Variants in BBS9 observed in about 807,000 individuals in gnomAD.
BBS9 encodes the protein protein PTHB1.
In BBS9, 89 loss-of-function variants were observed where a neutral mutation model predicts 117.7. That is an observed-to-expected ratio of 0.76 (90% confidence interval 0.64 to 0.90). BBS9 has a LOEUF of 0.90. BBS9 is among the 40% of genes least tolerant of loss of function. BBS9 has a pLI of 0.00. For synonymous variants in BBS9, 379 were observed against 370.9 expected, an observed-to-expected ratio of 1.02 and a Z score of -0.25; for missense variants, 982 against 1,042.2, an observed-to-expected ratio of 0.94 and a Z score of 0.80.
intron 21 of BBS9, among the ~76,000 whole-genome samples, chr7:33,629,920 A>C (rs1209683974): frequency 6.6e-6 from 1 of 152,202 alleles, no homozygotes; most frequent in African/African-American, 2.4e-5. Flanking sequence ...TTGCTGTGTA[A>C]ATATTTAAAA....
chr7:33,550,954 T>G (rs552815967), intron 21 of BBS9, among the ~76,000 whole-genome samples: 6 of 152,188 alleles, frequency 3.9e-5, no homozygotes, highest in African/African-American at 1.4e-4. Context: ...TTAGCTAGGG[T>G]TTTTGTATTC....
chr7:33,421,928 T>A (rs1291863293), intron 19 of BBS9, among the ~76,000 whole-genome samples: 1 of 152,110 alleles, frequency 6.6e-6, no homozygotes, highest in African/African-American at 2.4e-5. Flanking sequence ...GAATTCTTTG[T>A]CAGAAAATAC....
intron 19 of BBS9, among the ~76,000 whole-genome samples, chr7:33,479,888 A>G (rs1842297031): frequency 6.6e-6 from 1 of 152,056 alleles, no homozygotes; most frequent in Admixed American, 6.6e-5. Flanking sequence ...GTGTCTGTTC[A>G]TGTTCTTTGC....
chr7:33,297,877 G>A (rs2128417131), intron 9 of BBS9, among the ~76,000 whole-genome samples: 1 of 152,172 alleles, frequency 6.6e-6, no homozygotes, highest in South Asian at 2.1e-4. Flanking sequence ...GACAATTATA[G>A]TACCTTATAA....
chr7:33,171,607 T>C (rs1178931562), intron 4 of BBS9, among the ~76,000 whole-genome samples: 2 of 152,188 alleles, frequency 1.3e-5, no homozygotes, highest in African/African-American at 4.8e-5. Context: ...TTTAGAAAGA[T>C]TTTTCTTCAA....
intron 19 of BBS9, among the ~76,000 whole-genome samples, chr7:33,394,724 C>T (rs1020099170): frequency 6.6e-6 from 1 of 152,150 alleles, no homozygotes; most frequent in Non-Finnish European, 1.5e-5. Context: ...TGGAATACTG[C>T]CTTCTCAATC....
chr7:33,614,530 G>C (rs1315183707), intron 21 of BBS9, among the ~76,000 whole-genome samples: 1 of 152,058 alleles, frequency 6.6e-6, no homozygotes, highest in East Asian at 1.9e-4. Context: ...TGAGGTCAGA[G>C]GGCAAACCAC....
intron 21 of BBS9, among the ~76,000 whole-genome samples, chr7:33,579,247 T>G (rs1859474496): frequency 6.6e-6 from 1 of 152,180 alleles, no homozygotes; most frequent in Non-Finnish European, 1.5e-5. Flanking sequence ...CACTTCATCC[T>G]CTGAAACACT....
chr7:33,560,071 A>T (rs892173974), intron 21 of BBS9, among the ~76,000 whole-genome samples: 2 of 152,070 alleles, frequency 1.3e-5, no homozygotes, highest in Non-Finnish European at 2.9e-5. Flanking sequence ...CTGGGATTGC[A>T]TTGTATTATA....
chr7:33,336,407 A>G, intron 9 of BBS9, 34 bp from the exon 10 acceptor site: 2 of 1,578,012 alleles, frequency 1.3e-6, no homozygotes, highest in Non-Finnish European at 1.7e-6. Flanking sequence ...ACTGAAATTT[A>G]AAATTATGTC....
chr7:33,345,671 C>T (rs568800432), intron 12 of BBS9, among the ~76,000 whole-genome samples: 10 of 152,156 alleles, frequency 6.6e-5, no homozygotes, highest in South Asian at 2.1e-4. Context: ...TTAATACTTC[C>T]GAATCTGGAA....
intron 15 of BBS9, among the ~76,000 whole-genome samples, chr7:33,356,266 T>G (rs569352594): frequency 3.4e-4 from 51 of 151,950 alleles, no homozygotes; most frequent in African/African-American, 1.1e-3. Context: ...TATGGAAATT[T>G]CCTTGAAGTT....
intron 9 of BBS9, among the ~76,000 whole-genome samples, chr7:33,314,085 C>T (rs1314186990): frequency 2.6e-5 from 4 of 152,086 alleles, no homozygotes; most frequent in Admixed American, 2.6e-4. Context: ...AAAAGTAGCT[C>T]CCCAGCACAT....
At chr7:33,219,176 C>T (rs570668293) in intron 5 of BBS9, among the ~76,000 whole-genome samples, 437 of 152,296 alleles carry the variant, frequency 2.9e-3, no homozygotes, top group Non-Finnish European at 4.6e-3. Context: ...ACTGGCGCTG[C>T]GCTCAATTTC....
intron 19 of BBS9, among the ~76,000 whole-genome samples, chr7:33,473,949 G>A (rs754366156): frequency 2.0e-5 from 3 of 152,134 alleles, no homozygotes; most frequent in Non-Finnish European, 2.9e-5. Flanking sequence ...TGTATACTAC[G>A]TAAATATATG....
intron 19 of BBS9, 140 bp from the exon 20 acceptor site, chr7:33,505,323 A>C: frequency 1.2e-6 from 1 of 858,966 alleles, no homozygotes; most frequent in Non-Finnish European, 2.0e-6. Flanking sequence ...TAACTCTTTT[A>C]TTACTTAACA....
At chr7:33,413,428 C>T (rs547655195) in intron 19 of BBS9, among the ~76,000 whole-genome samples, 2 of 152,122 alleles carry the variant, frequency 1.3e-5, no homozygotes, top group East Asian at 3.9e-4. Flanking sequence ...TATTTTAAGG[C>T]CTTAATATAA....
intron 19 of BBS9, among the ~76,000 whole-genome samples, chr7:33,408,108 C>T (rs186379215): frequency 0.033 from 4,952 of 152,352 alleles, 144 homozygotes; most frequent in African/African-American, 0.078. Flanking sequence ...AGCTTCCTGG[C>T]TGCTTTGTTT....
chr7:33,473,320 C>T lies in BBS9; in HGVS notation c.2116-32143C>T, dbSNP rs536965328. 5.2e-4 allele frequency among the ~76,000 whole-genome samples: 78 copies of T among 150,868 alleles called. 3 individuals carry two copies. In the South Asian group the frequency reaches 6.0e-3, roughly 12 times the overall value. The stretch of plus-strand genomic sequence containing the variant: ...TGCAACAATTCCCCCTCCCTCACCC[C>T]ACCCCCTCACCCCCCCGCCCCGAGG... On this transcript the variant is annotated intron_variant, in intron 19 of 22. Transcript: ENST00000242067.
Sources: allele counts gnomAD v4.1 joint callset (sites outside exome capture counted in the v4.1 genomes callset), GRCh38; gene constraint gnomAD v4.1.1; transcripts MANE v1.5; gene names NCBI Gene and HGNC (gene_info 2026-07-23, HGNC 2026-07-21).